ANKRD36C: variants seen among roughly 807,000 people sequenced by gnomAD.
The protein encoded by ANKRD36C is ankyrin repeat domain 36C.
A neutral mutation model predicts 276.4 loss-of-function variants in ANKRD36C; 61 were observed. The observed-to-expected ratio is 0.22, with a 90% CI of 0.18 to 0.27. ANKRD36C has a LOEUF of 0.27. Among genes scored for constraint, ANKRD36C ranks in the 10% least tolerant of loss-of-function variants. ANKRD36C has a pLI of 1.00. For synonymous variants in ANKRD36C, 483 were observed against 680.1 expected (o/e 0.71, Z 4.51); for missense variants, 1,447 against 2,032.3 (o/e 0.71, Z 5.54).
intron 17 of ANKRD36C, among the ~76,000 whole-genome samples, chr2:95,945,654 T>G (rs2104473428): frequency 6.6e-6 from 1 of 152,258 alleles, no homozygotes; most frequent in Non-Finnish European, 1.5e-5. Flanking sequence ...TTCTATTCTG[T>G]GTGTCAAAAG....
chr2:95,855,459 C>T (rs766400604), exon 63 of ANKRD36C: 18 of 1,612,230 alleles, frequency 1.1e-5, no homozygotes, highest in South Asian at 3.3e-5. Context: ...AGCTTTGTTG[C>T]GAGCATCATC....
At chr2:95,942,032 C>T (rs904149668) in intron 19 of ANKRD36C, among the ~76,000 whole-genome samples, 1 of 152,282 alleles carries the variant, frequency 6.6e-6, no homozygotes, top group Non-Finnish European at 1.5e-5. Context: ...CGCCAGATGA[C>T]AGAGTAGATT....
intron 8 of ANKRD36C, among the ~76,000 whole-genome samples, chr2:95,962,044 TC>T (rs1195626580): frequency 1.3e-5 from 2 of 152,004 alleles, no homozygotes; most frequent in Non-Finnish European, 2.9e-5. Context: ...TCTTTCTCCT[TC>T]CCTTTATGAT....
intron 41 of ANKRD36C, 31 bp from the exon 44 acceptor site, chr2:95,912,347 A>G (rs1220251032): frequency 1.9e-6 from 3 of 1,600,136 alleles, no homozygotes; most frequent in African/African-American, 2.7e-5. Context: ...AATAATAAAT[A>G]AGGTATGTTT....
intron 42 of ANKRD36C, among the ~76,000 whole-genome samples, chr2:95,908,148 C>T (rs890620135): frequency 1.1e-4 from 17 of 149,980 alleles, no homozygotes; most frequent in East Asian, 2.0e-4. Context: ...CTTGGCAGTA[C>T]GATCTGAAGT....
chr2:95,897,788 A>G (rs1199483139), intron 44 of ANKRD36C, among the ~76,000 whole-genome samples: 1 of 147,934 alleles, frequency 6.8e-6, no homozygotes, highest in East Asian at 2.0e-4. Flanking sequence ...AGCAACACAT[A>G]CACCTGAGAA....
At chr2:95,915,897 G>A (rs898655200) in intron 38 of ANKRD36C, 83 bp downstream of exon 40, 41 of 1,481,586 alleles carry the variant, frequency 2.8e-5, no homozygotes, top group African/African-American at 8.4e-5. Context: ...GTGCAGCTTC[G>A]ACCAGCCCCC....
intron 48 of ANKRD36C, among the ~76,000 whole-genome samples, chr2:95,888,602 G>A (rs1676258195): frequency 6.6e-6 from 1 of 151,758 alleles, no homozygotes; most frequent in Non-Finnish European, 1.5e-5. Flanking sequence ...ACAGTTGAAT[G>A]TACACTTTAC....
chr2:95,913,513 T>C (rs1284963103), intron 40 of ANKRD36C, among the ~76,000 whole-genome samples: 1 of 151,464 alleles, frequency 6.6e-6, no homozygotes, highest in Non-Finnish European at 1.5e-5. Context: ...CTGCTTCCAG[T>C]AGTTCCTGGA....
intron 6 of ANKRD36C, among the ~76,000 whole-genome samples, chr2:95,963,995 ATATATATATATATATATATG>A (rs1202411012): frequency 9.0e-3 from 288 of 31,912 alleles, no homozygotes; most frequent in African/African-American, 0.017. Context: ...ATATATATAT[ATATATATATATATATATATG>A]TGTGTGTGTG....
At chr2:95,962,952 A>T (rs555346470) in intron 6 of ANKRD36C, among the ~76,000 whole-genome samples, 1 of 152,174 alleles carries the variant, frequency 6.6e-6, no homozygotes, top group African/African-American at 2.4e-5. Flanking sequence ...GAAATACACC[A>T]TTATACTACA....
At chr2:95,964,927 T>A (rs977321383) in intron 6 of ANKRD36C, among the ~76,000 whole-genome samples, 6 of 151,936 alleles carry the variant, frequency 3.9e-5, no homozygotes, top group African/African-American at 1.4e-4. Flanking sequence ...TTCTGAAATG[T>A]TATTGAACAT....
At chr2:95,927,956 GATA>G (rs1385907079) in intron 26 of ANKRD36C, among the ~76,000 whole-genome samples, 9 of 151,706 alleles carry the variant, frequency 5.9e-5, no homozygotes, top group Admixed American at 5.9e-4. Flanking sequence ...AAATCTAGTA[GATA>G]ATATTATTTC....
At chr2:95,855,124 C>A in intron 63 of ANKRD36C, 142 bp downstream of exon 83, 19 of 1,282,312 alleles carry the variant, frequency 1.5e-5, no homozygotes, top group Non-Finnish European at 1.9e-5. Flanking sequence ...TTGCTGGAGA[C>A]AAGGAATGTT....
chr2:95,909,043 C>T (rs1249254780), intron 42 of ANKRD36C, among the ~76,000 whole-genome samples: 7 of 150,996 alleles, frequency 4.6e-5, no homozygotes, highest in Non-Finnish European at 7.4e-5. Context: ...AATGTCAAAG[C>T]AGGTGCTACA....
At chr2:95,938,776 T>A in intron 22 of ANKRD36C, 53 bp downstream of exon 22, 3 of 1,536,810 alleles carry the variant, frequency 2.0e-6, no homozygotes, top group Non-Finnish European at 2.6e-6. Flanking sequence ...TACGAGCATT[T>A]TCAATATTTT....
intron 10 of ANKRD36C, among the ~76,000 whole-genome samples, chr2:95,959,017 T>C (rs3098465): frequency 6.6e-6 from 1 of 152,288 alleles, no homozygotes; most frequent in South Asian, 2.1e-4. Flanking sequence ...TTATTCTTCA[T>C]ATGTCTATTA....
At chr2:95,915,260 G>C (rs941787194) in intron 38 of ANKRD36C, among the ~76,000 whole-genome samples, 1 of 151,534 alleles carries the variant, frequency 6.6e-6, no homozygotes, top group Admixed American at 6.6e-5. Flanking sequence ...TCATATTTAA[G>C]TTTATCTCAT....
In ANKRD36C at chr2:95,960,620, A is replaced by G. The variant is rs1224666495; in HGVS notation, c.930+19T>C. On this transcript the variant is annotated intron_variant, in intron 9 of 66. Coordinates refer to ENST00000456556, the Ensembl canonical transcript of ANKRD36C. ...GACTATACAGTTAATTATTCAAAAT[A>G]TGAATGAGAGTATAATACCTTCAAG... 7.3e-7 allele frequency: 1 copy of G among 1,360,882 alleles called. No homozygotes were observed. The highest frequency in any genetic ancestry group is 9.9e-7 in the Non-Finnish European group (1 of 1,006,374). 84.3% of individuals were successfully genotyped at this position (1,360,882 alleles called of 1,614,324 possible).
Sources: gnomAD v4.1 joint callset for allele counts (sites outside exome capture counted in the v4.1 genomes callset) on GRCh38, gnomAD v4.1.1 for gene constraint, MANE v1.5 for transcripts, NCBI Gene and HGNC (gene_info 2026-07-23, HGNC 2026-07-21) for gene names.